Variants in AGBL1 observed in about 807,000 individuals in gnomAD.
AGBL1 encodes AGBL carboxypeptidase 1, also known as cytosolic carboxypeptidase 4.
A neutral mutation model predicts 118.9 loss-of-function variants in AGBL1; 130 were observed. The ratio of observed to expected loss-of-function variants is 1.09; its 90% confidence interval spans 0.95 to 1.26. AGBL1 has a LOEUF of 1.26. Among genes scored for constraint, AGBL1 ranks in the 50% most tolerant of loss-of-function variants. AGBL1 has a pLI of 0.00. For missense variants in AGBL1, 1,584 were observed against 1,298.1 expected, an observed-to-expected ratio of 1.22 and a Z score of -3.38; for synonymous variants, 555 against 478.9, an observed-to-expected ratio of 1.16 and a Z score of -2.08.
At chr15:86,543,844 T>C (rs1241495189) in intron 19 of AGBL1, among the ~76,000 whole-genome samples, 1 of 152,086 alleles carries the variant, frequency 6.6e-6, no homozygotes, top group Non-Finnish European at 1.5e-5. Flanking sequence ...GAAACATGAG[T>C]GTTACTGGGG....
rs578237834 is a variant in AGBL1 at position 86,863,035 on chromosome 15, A to G, written c.3159-44052A>G. The stretch of plus-strand genomic sequence containing the variant: ...TGAGGGTAGAATTAGCAGTCCAGGG[A>G]AGCACGTGCTACCATGCTGCAGGAG... On this transcript the variant is annotated intron_variant, in intron 22 of 22. Coordinates refer to ENST00000614907, the MANE Select transcript of AGBL1 (RefSeq NM_001386094.1). Among the ~76,000 whole-genome samples, 42 of 152,262 alleles carry G rather than the reference A, an allele frequency of 2.8e-4. No individual in the cohort carries two copies. The South Asian group carries it at 8.5e-3, about 31-fold the overall frequency.
chr15:86,366,039 G>T (rs1366236763), intron 17 of AGBL1, among the ~76,000 whole-genome samples: 1 of 152,096 alleles, frequency 6.6e-6, no homozygotes, highest in Non-Finnish European at 1.5e-5. Flanking sequence ...TATTCCTTTA[G>T]CCCTTTGTGT....
At chr15:86,186,482 ATTGT>A (rs558205423) in intron 5 of AGBL1, among the ~76,000 whole-genome samples, 349 of 152,276 alleles carry the variant, frequency 2.3e-3, no homozygotes, top group African/African-American at 7.5e-3. Context: ...CAGTGTAAAG[ATTGT>A]TTGTTCTTTT....
In AGBL1 at chr15:86,810,107, T is replaced by C. The variant is rs529368766; in HGVS notation, c.3159-96980T>C. Among the ~76,000 whole-genome samples the C allele has an allele frequency of 9.9e-5, 15 of 152,234 alleles. No individual in the cohort carries two copies. The East Asian group carries it at 2.5e-3, about 26-fold the overall frequency. On this transcript the variant is annotated intron_variant, in intron 22 of 22. Transcript: ENST00000614907. ...AGTATGCCTCAAATAAGTTCAAACTTGGGAAGGTTTTGTAAAAACAAACAG... is the reference window on the plus strand; with the variant it reads ...AGTATGCCTCAAATAAGTTCAAACTCGGGAAGGTTTTGTAAAAACAAACAG...
At chr15:86,226,844 T>C (rs1252727091) in intron 6 of AGBL1, among the ~76,000 whole-genome samples, 1 of 152,212 alleles carries the variant, frequency 6.6e-6, no homozygotes, top group East Asian at 1.9e-4. Flanking sequence ...CCAATGCTTT[T>C]ATAGGCTCTC....
intron 23 of AGBL1, among the ~76,000 whole-genome samples, chr15:86,964,172 C>T (rs17794356): frequency 6.6e-6 from 1 of 151,856 alleles, no homozygotes; most frequent in Non-Finnish European, 1.5e-5. Context: ...AATTAGGGAC[C>T]AAACCTGGTT....
rs915508888 is a variant in AGBL1, at chr15:86,308,908, A to G, written c.2374+13500A>G. ...CTCAAGATTGCTTTGGCTATTTGGG[A>G]TCTTTGGTGGTTTCATATGAATTTT... On this transcript the variant is annotated intron_variant, in intron 17 of 22. Transcript: ENST00000614907. Among the ~76,000 whole-genome samples the G allele has an allele frequency of 4.6e-5, 7 of 151,914 alleles. No homozygotes were observed. The East Asian group carries it at 1.2e-3, about 25-fold the overall frequency.
At chr15:86,801,895 G>C (rs938103067) in intron 22 of AGBL1, among the ~76,000 whole-genome samples, 1 of 152,086 alleles carries the variant, frequency 6.6e-6, no homozygotes. Context: ...GAGACTTAAA[G>C]GGAATGGGAG....
chr15:86,242,248 C>T lies in AGBL1; in HGVS notation c.527-5423C>T, dbSNP rs112591913. Among the ~76,000 whole-genome samples the T allele has an allele frequency of 8.5e-3, 1,287 of 151,890 alleles. 13 individuals carry two copies. The highest frequency in any genetic ancestry group is 0.03 in the African/African-American group (1,249 of 41,410). ...ATGAGAACAGACTAATACATTTGTC[C>T]GTAGCAATAGAGAGCCATTGGAATA... On this transcript the variant is annotated intron_variant, in intron 6 of 22. Coordinates refer to ENST00000614907, the MANE Select transcript of AGBL1 (RefSeq NM_001386094.1).
intron 22 of AGBL1, among the ~76,000 whole-genome samples, chr15:86,886,643 A>G (rs968758166): frequency 8.5e-5 from 13 of 152,164 alleles, no homozygotes; most frequent in African/African-American, 3.1e-4. Context: ...CAAATGGGTA[A>G]TTATTTCTAA....
At chr15:86,450,354 G>A (rs6496337) in intron 18 of AGBL1, among the ~76,000 whole-genome samples, 100,476 of 152,070 alleles carry the variant, frequency 0.66, 34,935 homozygotes, top group East Asian at 0.87. Context: ...ATGAAGTTGG[G>A]ACATACATAT....
chr15:86,308,114 A>G (rs1036984643), intron 17 of AGBL1, among the ~76,000 whole-genome samples: 2 of 152,230 alleles, frequency 1.3e-5, no homozygotes, highest in African/African-American at 2.4e-5. Context: ...CTTATTAAAC[A>G]TATTTTAAAG....
chr15:86,724,196 A>C (rs966600533), intron 22 of AGBL1, among the ~76,000 whole-genome samples: 1 of 135,446 alleles, frequency 7.4e-6, no homozygotes, highest in African/African-American at 2.8e-5. Context: ...CGATAGCGCC[A>C]CTGCGCTCCA....
At chr15:86,813,329 C>T (rs935071575) in intron 22 of AGBL1, among the ~76,000 whole-genome samples, 1 of 152,036 alleles carries the variant, frequency 6.6e-6, no homozygotes, top group Non-Finnish European at 1.5e-5. Context: ...TTCTCGTTTT[C>T]CCAATGATTT....
chr15:86,759,096 T>C (rs913678987), intron 22 of AGBL1, among the ~76,000 whole-genome samples: 1 of 152,254 alleles, frequency 6.6e-6, no homozygotes, highest in Admixed American at 6.5e-5. Context: ...CTTCTTAATA[T>C]GGATCTCTTC....
At chr15:86,161,843 T>C (rs2077270554) in intron 5 of AGBL1, among the ~76,000 whole-genome samples, 1 of 152,226 alleles carries the variant, frequency 6.6e-6, no homozygotes, top group Admixed American at 6.5e-5. Context: ...ACCAGATTCC[T>C]TGGCGAGTCA....
At chr15:86,815,337 C>T (rs187617776) in intron 22 of AGBL1, among the ~76,000 whole-genome samples, 1 of 152,212 alleles carries the variant, frequency 6.6e-6, no homozygotes. Context: ...CACATCAGTG[C>T]ACAGAAATTT....
intron 18 of AGBL1, among the ~76,000 whole-genome samples, chr15:86,462,542 C>G (rs1486231837): frequency 6.6e-6 from 1 of 152,066 alleles, no homozygotes; most frequent in African/African-American, 2.4e-5. Flanking sequence ...CCCATCAACT[C>G]GTCATCTACA....
chr15:86,254,753 C>T (rs1446215173), intron 7 of AGBL1, among the ~76,000 whole-genome samples: 1 of 152,128 alleles, frequency 6.6e-6, no homozygotes. Flanking sequence ...CAAGTGCTTC[C>T]TGGGAACCTC....
Sources: allele counts gnomAD v4.1 joint callset (sites outside exome capture counted in the v4.1 genomes callset), GRCh38; gene constraint gnomAD v4.1.1; transcripts MANE v1.5; gene names NCBI Gene and HGNC (gene_info 2026-07-23, HGNC 2026-07-21).